The following TBC1D7 variants were observed in gnomAD, a reference collection of about 807,000 sequenced individuals.
The protein encoded by TBC1D7 is TBC domain family 7.
Under a neutral mutation model 35.3 loss-of-function variants are expected in TBC1D7, and 33 were observed. That is an observed-to-expected ratio of 0.93 (90% CI 0.71 to 1.25). The LOEUF (loss-of-function observed/expected upper bound fraction) is 1.25. Among genes scored for constraint, TBC1D7 ranks in the 50% most tolerant of loss-of-function variants. TBC1D7 has a pLI of 0.00. For missense variants in TBC1D7, 362 were observed against 365.3 expected (o/e 0.99, Z 0.07); for synonymous variants, 135 against 129.5 (o/e 1.04, Z -0.29).
At chr6:13,314,185 A>C (rs1783433508) in intron 5 of TBC1D7, among the ~76,000 whole-genome samples, 1 of 150,460 alleles carries the variant, frequency 6.6e-6, no homozygotes, top group Admixed American at 6.7e-5. Context: ...CGCCTTGGCG[A>C]CCAAGCGAGA....
At chr6:13,324,305 T>C (rs1421285157) in intron 3 of TBC1D7, among the ~76,000 whole-genome samples, 1 of 152,102 alleles carries the variant, frequency 6.6e-6, no homozygotes, top group East Asian at 1.9e-4. Flanking sequence ...TTTTTTGTAT[T>C]TTTAGTAGAG....
chr6:13,316,807 A>AG (rs768267589), intron 4 of TBC1D7, 99 bp from the exon 5 acceptor site: 45 of 1,396,302 alleles, frequency 3.2e-5, no homozygotes, highest in Non-Finnish European at 4.2e-5. Context: ...AATTTTGAAA[A>AG]GGCTACATTA....
intron 5 of TBC1D7, among the ~76,000 whole-genome samples, chr6:13,310,513 C>T (rs1402616334): frequency 2.6e-5 from 4 of 151,976 alleles, no homozygotes; most frequent in Admixed American, 6.6e-5. Flanking sequence ...TGGCATGTGC[C>T]GGTGATCCCA....
At chr6:13,311,428 CTTT>C (rs1230983561) in intron 5 of TBC1D7, among the ~76,000 whole-genome samples, 1 of 152,218 alleles carries the variant, frequency 6.6e-6, no homozygotes, top group Non-Finnish European at 1.5e-5. Flanking sequence ...TCATTATCTT[CTTT>C]TGAGTCCATC....
At position 13,316,708 on chromosome 6, in the gene TBC1D7, C is replaced by A. The variant is rs765058536; in HGVS notation, c.382G>T (p.Glu128Ter). ...GCAAGAAACACTTCATCATCTGGCT[C>A]CTGAAAGATTAATAATAAATCTCAA... ...KLPRSPSFPL[E>*]PDDEVFLAIA... The change falls in exon 5 of 8, where the codon GAG becomes TAG. Residue 128 changes from glutamate (E) to a stop codon, truncating the protein, a stop_gained and splice_region_variant. Transcript: ENST00000379300. LOFTEE classifies it high-confidence loss of function. 5 of 1,613,366 alleles carry A rather than the reference C, an allele frequency of 3.1e-6. No homozygotes were observed. Among genetic ancestry groups the A allele is most frequent in the Non-Finnish European group, 1.7e-6 (2 of 1,179,744 alleles).
chr6:13,323,115 G>A (rs1375450503), intron 3 of TBC1D7, among the ~76,000 whole-genome samples: 2 of 152,198 alleles, frequency 1.3e-5, no homozygotes, highest in Non-Finnish European at 2.9e-5. Flanking sequence ...CACTTTGGGA[G>A]GCCGAGGCAG....
At chr6:13,305,692 G>C (rs1782760204) in intron 7 of TBC1D7, 1 of 176,190 alleles carries the variant, frequency 5.7e-6, no homozygotes, top group Admixed American at 5.4e-5. Context: ...AAATCATTCA[G>C]GCATAAGTCT....
chr6:13,307,515 T>G lies in TBC1D7; in HGVS notation c.665+85A>C, dbSNP rs1414912279. 3 of 1,425,930 alleles carry G rather than the reference T, an allele frequency of 2.1e-6. No individual in the cohort carries two copies. The East Asian group carries it at 6.9e-5, about 33-fold the overall frequency. The allele number at this position is 1,425,930 out of a possible 1,614,324, so 88.3% of individuals were successfully genotyped here. A position where few individuals can be genotyped will look rare whatever the true frequency, so the allele number is the denominator to read the frequency against. On this transcript the variant is annotated intron_variant, in intron 6 of 7. Transcript: ENST00000379300. Reference sequence around the variant, plus strand: ...ATTACTGTATTGTTCTAAAGCAAATTTATAATCTGAGGGATGACCACATGA... The same window carrying G: ...ATTACTGTATTGTTCTAAAGCAAATGTATAATCTGAGGGATGACCACATGA...
intron 5 of TBC1D7, among the ~76,000 whole-genome samples, chr6:13,314,819 T>C (rs1584543922): frequency 6.6e-6 from 1 of 152,244 alleles, no homozygotes; most frequent in East Asian, 1.9e-4. Context: ...TTCAGTAGAA[T>C]TTTAAAAGGA....
chr6:13,312,688 T>C (rs1341890183), intron 5 of TBC1D7, among the ~76,000 whole-genome samples: 1 of 118,786 alleles, frequency 8.4e-6, no homozygotes, highest in Non-Finnish European at 1.6e-5. Context: ...CAAGGCTCCA[T>C]CTCAGAAAAA....
At chr6:13,307,250 T>C in intron 6 of TBC1D7, 1 of 196,886 alleles carries the variant, frequency 5.1e-6, no homozygotes, top group Non-Finnish European at 1.1e-5. Flanking sequence ...AATCTTTGAC[T>C]GCTTTCAGCT....
chr6:13,305,129 T>A lies in TBC1D7; in HGVS notation c.854A>T (p.His285Leu), dbSNP rs772512962. The A allele has an allele frequency of 5.6e-6, 9 of 1,613,714 alleles. No individual in the cohort carries two copies. The African/African-American group carries it at 6.7e-5, about 12-fold the overall frequency. Reference protein sequence around the residue: ...VSKAIDLWHKHCGTPVHSS With the variant: ...VSKAIDLWHKLCGTPVHSS ...GCTTGAATGGACCGGGGTCCCACAG[T>A]GTTTGTGCCACAAGTCAATGGCCTT... is the stretch of plus-strand genomic sequence containing the variant. The change falls in exon 8 of 8, where the codon CAC becomes CTC. Residue 285 changes from histidine to leucine, a missense_variant. Physicochemically the swap from His to Leu is moderately conservative, Grantham distance 99 (BLOSUM62 -3). Transcript: ENST00000379300.
intron 5 of TBC1D7, among the ~76,000 whole-genome samples, chr6:13,312,418 G>A (rs1783285576): frequency 1.3e-5 from 2 of 152,138 alleles, no homozygotes; most frequent in South Asian, 4.1e-4. Context: ...CAGGCGTGGT[G>A]GCTCACACCT....
chr6:13,316,842 C>T, intron 4 of TBC1D7, 134 bp from the exon 5 acceptor site: 1 of 1,067,898 alleles, frequency 9.4e-7, no homozygotes, highest in Non-Finnish European at 1.3e-6. Context: ...GATCAAAAAG[C>T]ACAGAGTCCC....
intron 4 of TBC1D7, chr6:13,319,292 T>C (rs534536034): frequency 6.6e-6 from 1 of 152,158 alleles, no homozygotes; most frequent in South Asian, 2.1e-4. Context: ...AAATCCCATC[T>C]TTACTAAAAA....
In TBC1D7 at chr6:13,310,637, C is replaced by CAAAAAAAAAAAAAAAAAAAAAAAAAA. The variant is rs546122443; in HGVS notation, c.520-2893_520-2892insTTTTTTTTTTTTTTTTTTTTTTTTTT. ...TGGGTGACAGAGCGAGACTCCGTCT[C>CAAAAAAAAAAAAAAAAAAAAAAAAAA]AAAAAAAAAAAAAAAAGAATATTGT... On this transcript the variant is annotated intron_variant, in intron 5 of 7. Coordinates refer to ENST00000379300, the MANE Select transcript of TBC1D7 (RefSeq NM_016495.6). Among the ~76,000 whole-genome samples the CAAAAAAAAAAAAAAAAAAAAAAAAAA allele has an allele frequency of 1.7e-3, 122 of 72,816 alleles. 6 individuals carry two copies. Among genetic ancestry groups the CAAAAAAAAAAAAAAAAAAAAAAAAAA allele is most frequent in the East Asian group, 2.3e-3 (7 of 3,030 alleles). The allele number at this position is 72,816 out of a possible 152,430, so 47.8% of individuals were successfully genotyped here.
Position 13,328,293 on chromosome 6 carries a change from C to T in TBC1D7, c.-9+3G>A, listed in dbSNP as rs1328115904. ...CCCATTCTCTCTATGATGGATGCTT[C>T]ACCTCTAGTAGTGCAAACACACCCG... On this transcript the variant is annotated splice_donor_region_variant and intron_variant, in intron 1 of 7. Coordinates refer to ENST00000379300, the MANE Select transcript of TBC1D7 (RefSeq NM_016495.6). 6.6e-6 allele frequency: 1 copy of T among 152,324 alleles called. No individual in the cohort carries two copies. 9.4% of individuals were successfully genotyped at this position (152,324 alleles called of 1,614,324 possible). A position where few individuals can be genotyped will look rare whatever the true frequency, so the allele number is the denominator to read the frequency against.
intron 4 of TBC1D7, 65 bp from the exon 5 acceptor site, chr6:13,316,773 T>G: frequency 6.4e-7 from 1 of 1,564,922 alleles, no homozygotes; most frequent in Non-Finnish European, 8.6e-7. Context: ...ATTTCTTTAA[T>G]AAAAAATGAA....
rs770986222 is a variant in TBC1D7 at position 13,305,117 on chromosome 6, G to A, written c.866C>T (p.Pro289Leu). The change falls in exon 8 of 8, where the codon CCG becomes CTG. Residue 289 changes from proline (P) to leucine (L), a missense_variant. Physicochemically the swap from Pro to Leu is moderately conservative, Grantham distance 98 (BLOSUM62 -3). Transcript: ENST00000379300. Reference protein sequence around the residue: ...IDLWHKHCGTPVHSS With the variant: ...IDLWHKHCGTLVHSS ...CGGGTGCGTTCAGCTTGAATGGACC[G>A]GGGTCCCACAGTGTTTGTGCCACAA... 56 of 1,612,666 alleles carry A rather than the reference G, an allele frequency of 3.5e-5. No individual in the cohort carries two copies. Among genetic ancestry groups the A allele is most frequent in the African/African-American group, 5.3e-5 (4 of 74,838 alleles).
Sources: gnomAD v4.1 joint callset for allele counts (sites outside exome capture counted in the v4.1 genomes callset) on GRCh38, gnomAD v4.1.1 for gene constraint, MANE v1.5 for transcripts, NCBI Gene and HGNC (gene_info 2026-07-23, HGNC 2026-07-21) for gene names.